RTL1: variants seen among roughly 807,000 people sequenced by gnomAD.
RTL1 encodes the protein retrotransposon-like protein 1.
For missense variants in RTL1, 1,681 were observed against 1,767.5 expected, an observed-to-expected ratio of 0.95 and a Z score of 0.88; for synonymous variants, 727 against 748.4, an observed-to-expected ratio of 0.97 and a Z score of 0.47.
Position 100,892,238 on chromosome 14 carries a change from G to A in RTL1, c.-87+1206C>T, listed in dbSNP as rs2038789443. On this transcript the variant is annotated intron_variant, in intron 3 of 3. Coordinates refer to ENST00000649591, the MANE Select transcript of RTL1 (RefSeq NM_001134888.3). ...CCAGGTGGCTGCAGGCCTAGGAGTG[G>A]AGCTGTTCTTAGAGTAGGAAGGTGA... Among the ~76,000 whole-genome samples, 4 of 152,146 alleles carry A rather than the reference G, an allele frequency of 2.6e-5. No individual in the cohort carries two copies. In the South Asian group the frequency reaches 6.2e-4, roughly 24 times the overall value.
Position 100,882,154 on chromosome 14 carries a change from T to C in RTL1, c.2635A>G (p.Thr879Ala). The change falls in exon 4 of 4, where the codon ACC becomes GCC. Residue 879 changes from threonine to alanine, a missense_variant. Transcript: ENST00000649591. ...TGCAGGGCCGTGCCGGTGACGCCGG[T>C]TTCCAAGTAGAATGGGTTCTGGGGC... is the stretch of plus-strand genomic sequence containing the variant. ...PKPQNPFYLE[T>A]GVTGTALHAS... The C allele has an allele frequency of 6.4e-7, 1 of 1,550,840 alleles. No homozygotes were observed. The highest frequency in any genetic ancestry group is 8.7e-7 in the Non-Finnish European group (1 of 1,147,092).
At chr14:100,903,067 G>A (rs1183991994) in intron 2 of RTL1, among the ~76,000 whole-genome samples, 1 of 152,208 alleles carries the variant, frequency 6.6e-6, no homozygotes, top group Non-Finnish European at 1.5e-5. Context: ...GACATGCAGA[G>A]CCCACATCTG....
At chr14:100,890,413 A>G (rs1015797618) in intron 3 of RTL1, among the ~76,000 whole-genome samples, 105 of 135,442 alleles carry the variant, frequency 7.8e-4, no homozygotes, top group Non-Finnish European at 1.3e-3. Context: ...GGAAGAGGAG[A>G]TGAGAGGATA....
chr14:100,903,589 A>G lies in RTL1; in HGVS notation c.-245+16T>C, dbSNP rs1418531402. On this transcript the variant is annotated intron_variant, in intron 1 of 3. Transcript: ENST00000649591. ...TGAGGAAACTGAGGCACAGAAAGGC[A>G]AAGTCCTATACTCACCGTCTCTCAG... Among the ~76,000 whole-genome samples the G allele has an allele frequency of 1.3e-5, 2 of 152,136 alleles. No homozygotes were observed. The highest frequency in any genetic ancestry group is 1.3e-4 in the Admixed American group (2 of 15,276).
At chr14:100,889,088 T>G (rs2038733164) in intron 3 of RTL1, among the ~76,000 whole-genome samples, 1 of 152,230 alleles carries the variant, frequency 6.6e-6, no homozygotes, top group African/African-American at 2.4e-5. Flanking sequence ...TCACATTTCT[T>G]AAAACCCTTT....
chr14:100,881,240 G>C lies in RTL1; in HGVS notation c.3549C>G (p.His1183Gln), dbSNP rs1375864604. The C allele has an allele frequency of 6.5e-7, 1 of 1,548,596 alleles. No individual in the cohort carries two copies. Among genetic ancestry groups the C allele is most frequent in the Non-Finnish European group, 8.7e-7 (1 of 1,145,762 alleles). ...AGCCAGGGGTGAACTGCAGGCCTCG[G>C]TGGGCCTGGGAGTGCAGAGCATTTC... Reference protein sequence around the residue: ...WQRNALHSQAHRGLQFTPGFW... With the variant: ...WQRNALHSQAQRGLQFTPGFW... The change falls in exon 4 of 4, where the codon CAC (histidine) becomes CAG (glutamine). Residue 1183 changes from histidine (H) to glutamine (Q), a missense_variant. Physicochemically the swap from His to Gln is conservative, Grantham distance 24 (BLOSUM62 0). Transcript: ENST00000649591. This position sits in a 1 kb window ranked among gnomAD's most constrained non-coding sequence, Gnocchi z 6.6.
rs761403886 is a variant in RTL1 at position 100,882,972 on chromosome 14, G to C, written c.1817C>G (p.Thr606Ser). 5 of 1,614,102 alleles carry C rather than the reference G, an allele frequency of 3.1e-6. No individual in the cohort carries two copies. In the South Asian group the frequency reaches 4.4e-5, roughly 14 times the overall value. The part of the protein sequence containing the change: ...QQAGDSDHSE[T>S]FYECPSTAPW... Reference sequence around the variant, plus strand: ...CGCGGTGGAGGGACACTCGTAAAAGGTCTCGCTGTGATCACTGTCTCCAGC... The same window carrying C: ...CGCGGTGGAGGGACACTCGTAAAAGCTCTCGCTGTGATCACTGTCTCCAGC... The change falls in exon 4 of 4, where the codon ACC becomes AGC. Residue 606 changes from threonine to serine, a missense_variant. By Grantham distance (58) the Thr-to-Ser change is moderately conservative. Coordinates refer to ENST00000649591, the MANE Select transcript of RTL1 (RefSeq NM_001134888.3).
At chr14:100,901,672 C>T (rs2038943918) in intron 2 of RTL1, among the ~76,000 whole-genome samples, 1 of 152,186 alleles carries the variant, frequency 6.6e-6, no homozygotes, top group African/African-American at 2.4e-5. Context: ...CCTGTTGCCC[C>T]AGAGAGGACA....
chr14:100,895,871 G>C (rs901181586), intron 2 of RTL1, among the ~76,000 whole-genome samples: 3 of 152,128 alleles, frequency 2.0e-5, no homozygotes, highest in Admixed American at 1.3e-4. Context: ...CCAGGAGTTT[G>C]AGACCAGCCT....
At chr14:100,894,309 C>CAAAAAAAAAAAAAAA (rs562868034) in intron 2 of RTL1, among the ~76,000 whole-genome samples, 6 of 72,392 alleles carry the variant, frequency 8.3e-5, no homozygotes, top group Admixed American at 3.1e-4. Context: ...AACTCCGTCT[C>CAAAAAAAAAAAAAAA]AAAAAAAAAA....
At chr14:100,889,040 T>C (rs1477802463) in intron 3 of RTL1, among the ~76,000 whole-genome samples, 1 of 152,238 alleles carries the variant, frequency 6.6e-6, no homozygotes, top group African/African-American at 2.4e-5. Flanking sequence ...TATCATGTTT[T>C]TCTGCATACT....
In RTL1 at chr14:100,883,112, G is replaced by GT; in HGVS notation, c.1676dup (p.Tyr559Ter). The part of the protein sequence containing the change: ...MSLLPGLPHP[Y>*]SDLADVFNPK... The stretch of plus-strand genomic sequence containing the variant: ...GGTTAAACACGTCGGCCAGGTCTGA[G>GT]TATGGGTGTGGCAGTCCGGGTAGCA... Residue 559 changes from tyrosine to a stop codon, truncating the protein, a stop_gained and frameshift_variant, in exon 4 of 4, where the codon TAC (tyrosine) becomes TAAC (stop). Coordinates refer to ENST00000649591, the MANE Select transcript of RTL1 (RefSeq NM_001134888.3). LOFTEE classifies it low-confidence loss of function (END_TRUNC). This position sits in a 1 kb window ranked among gnomAD's most constrained non-coding sequence, Gnocchi z 5.9. 1 of 1,613,114 alleles carries GT rather than the reference G, an allele frequency of 6.2e-7. No homozygotes were observed.
At position 100,884,536 on chromosome 14, in the gene RTL1, G is replaced by T. The variant is rs373861350; in HGVS notation, c.253C>A (p.Arg85Ser). Residue 85 changes from arginine to serine, a missense_variant, in exon 4 of 4, where the codon CGT (arginine) becomes AGT (serine). Transcript: ENST00000649591. ...QDMEEPSSGP[R>S]KEIEDPPNDL... ...TTGGGTGGATCCTCTATTTCCTTAC[G>T]TGGGCCACTGGATGGCTCCTCCATG... 5.0e-5 allele frequency: 81 copies of T among 1,613,380 alleles called. 1 individual carries two copies. In the African/African-American group the frequency reaches 9.2e-4, roughly 18 times the overall value.
At chr14:100,892,030 C>G (rs1206501179) in intron 3 of RTL1, among the ~76,000 whole-genome samples, 2 of 152,130 alleles carry the variant, frequency 1.3e-5, no homozygotes, top group Non-Finnish European at 2.9e-5. Context: ...AAATTGGGGT[C>G]GTCGTATTAT....
In RTL1 at chr14:100,893,822, A is replaced by C. The variant is rs2038815504; in HGVS notation, c.-148-317T>G. Among the ~76,000 whole-genome samples, 2 of 152,086 alleles carry C rather than the reference A, an allele frequency of 1.3e-5. No individual in the cohort carries two copies. The highest frequency in any genetic ancestry group is 4.8e-5 in the African/African-American group (2 of 41,392). ...CAGAAGAGGAATCCGAGGCCTTGGGACCTACACCCACCCTCACACCCGGGC... is the reference window on the plus strand; with the variant it reads ...CAGAAGAGGAATCCGAGGCCTTGGGCCCTACACCCACCCTCACACCCGGGC... On this transcript the variant is annotated intron_variant, in intron 2 of 3. Transcript: ENST00000649591. This position sits in a 1 kb window ranked among gnomAD's most constrained non-coding sequence, Gnocchi z 4.2.
At chr14:100,901,090 G>C (rs2038935660) in intron 2 of RTL1, among the ~76,000 whole-genome samples, 1 of 152,214 alleles carries the variant, frequency 6.6e-6, no homozygotes, top group South Asian at 2.1e-4. Context: ...CGGAGCAGCT[G>C]TGGCGACCCC....
chr14:100,892,074 T>C (rs536922926), intron 3 of RTL1, among the ~76,000 whole-genome samples: 8 of 152,330 alleles, frequency 5.3e-5, no homozygotes, highest in African/African-American at 1.4e-4. Flanking sequence ...ATCTGAGCAA[T>C]GGTTGAAAGC....
intron 3 of RTL1, among the ~76,000 whole-genome samples, chr14:100,888,626 T>G (rs2038726226): frequency 6.6e-6 from 1 of 152,234 alleles, no homozygotes; most frequent in Non-Finnish European, 1.5e-5. Context: ...GTCAAAATTC[T>G]TAGCATAAAA....
At position 100,883,160 on chromosome 14, in the gene RTL1, G is replaced by A. The variant is rs745930533; in HGVS notation, c.1629C>T (p.Ala543=). 2 of 1,597,904 alleles carry A rather than the reference G, an allele frequency of 1.3e-6. No homozygotes were observed. The highest frequency in any genetic ancestry group is 1.7e-6 in the Non-Finnish European group (2 of 1,170,260). ...NCFRPPPPCI[A]LERHGMSLLP... The stretch of plus-strand genomic sequence containing the variant: ...GCAGGCTCATGCCGTGCCTCTCTAG[G>A]GCAATGCATGGCGGGGGCGGGCGGA... Residue 543 remains alanine (A), a synonymous_variant, in exon 4 of 4, where the codon GCC becomes GCT. Transcript: ENST00000649591. This position sits in a 1 kb window ranked among gnomAD's most constrained non-coding sequence, Gnocchi z 5.9.
Sources: allele counts gnomAD v4.1 joint callset (sites outside exome capture counted in the v4.1 genomes callset), GRCh38; gene constraint gnomAD v4.1.1; non-coding constraint Gnocchi (gnomAD v3.1); transcripts MANE v1.5; gene names NCBI Gene and HGNC (gene_info 2026-07-23, HGNC 2026-07-21).